Variants in SLC44A5 observed in about 807,000 individuals in gnomAD.
The protein encoded by SLC44A5 is solute carrier family 44 member 5, also known as choline transporter-like protein 5.
In SLC44A5, 57 loss-of-function variants were observed where a neutral mutation model predicts 101.8. That is an observed-to-expected ratio of 0.56 (90% CI 0.45 to 0.70). SLC44A5 has a LOEUF of 0.70. Ranked by LOEUF, SLC44A5 falls within the 30% of genes least tolerant of loss-of-function variation. The pLI is 0.00. For missense variants in SLC44A5, 737 were observed against 853.1 expected, an observed-to-expected ratio of 0.86 and a Z score of 1.70; for synonymous variants, 281 against 290.9, an observed-to-expected ratio of 0.97 and a Z score of 0.35.
chr1:75,712,713 A>AAAAAAAAAAAAAAAAAAAAAAAAAAC, the SLC44A5 span, among the ~76,000 whole-genome samples: 1 of 110,642 alleles, frequency 9.0e-6, no homozygotes, highest in Non-Finnish European at 1.8e-5. Context: ...AAAAAAAAAA[A>AAAAAAAAAAAAAAAAAAAAAAAAAAC]ATGGAAAAGA....
intron 2 of SLC44A5, among the ~76,000 whole-genome samples, chr1:75,402,876 G>A (rs1489286944): frequency 6.6e-6 from 1 of 152,150 alleles, no homozygotes; most frequent in Non-Finnish European, 1.5e-5. Context: ...GGGTGCTGAA[G>A]CCAGGGAGCC....
Position 75,234,092 on chromosome 1 carries a change from C to G in SLC44A5, c.747G>C (p.Leu249=), listed in dbSNP as rs1251651729. The change falls in exon 12 of 24, where the codon CTG becomes CTC. Residue 249 remains leucine, a synonymous_variant. Transcript: ENST00000370859. The stretch of plus-strand genomic sequence containing the variant: ...TCCAACTAAGGACCATGGCAATCGT[C>G]AGGCCACTAGAAAAAACCCACAACA... ...ARTWYWILIG[L]TIAMVLSWIF... is the part of the protein sequence containing the mutation. 1.9e-6 allele frequency: 3 copies of G among 1,612,176 alleles called. No individual in the cohort carries two copies. Among genetic ancestry groups the G allele is most frequent in the Non-Finnish European group, 2.5e-6 (3 of 1,178,642 alleles).
At chr1:75,238,709 C>T in intron 9 of SLC44A5, 73 bp from the exon 10 acceptor site, 1 of 1,043,842 alleles carries the variant, frequency 9.6e-7, no homozygotes, top group Non-Finnish European at 1.3e-6. Flanking sequence ...CTTTCTTAAG[C>T]TTTCTGTTAT....
Position 75,298,636 on chromosome 1 carries a change from C to A in SLC44A5, c.175+1976G>T, listed in dbSNP as rs141993099. Among the ~76,000 whole-genome samples, 3 of 152,048 alleles carry A rather than the reference C, an allele frequency of 2.0e-5. No homozygotes were observed. In the East Asian group the frequency reaches 5.8e-4, roughly 29 times the overall value. On this transcript the variant is annotated intron_variant, in intron 5 of 23. Coordinates refer to ENST00000370859, the MANE Select transcript of SLC44A5 (RefSeq NM_001130058.2). Reference sequence around the variant, plus strand: ...TGGCTTCGAGATACAGAGGAGAGACCTATTTGATGAAGGAATAAGGCCTCC... The same window carrying A: ...TGGCTTCGAGATACAGAGGAGAGACATATTTGATGAAGGAATAAGGCCTCC...
In SLC44A5 at chr1:75,202,254, C is replaced by T. The variant is rs1052969376; in HGVS notation, c.*1473G>A. 4 of 152,160 alleles carry T rather than the reference C, an allele frequency of 2.6e-5. No homozygotes were observed. Among genetic ancestry groups the T allele is most frequent in the African/African-American group, 4.8e-5 (2 of 41,444 alleles). The allele number at this position is 152,160 out of a possible 1,614,324, so 9.4% of individuals were successfully genotyped here. ...ACAATACGTTTCTAACATTTCTGCA[C>T]AGCAGAAGCACACTGATTATAGAGC... is the stretch of plus-strand genomic sequence containing the variant. On this transcript the variant is annotated 3_prime_UTR_variant, in exon 24 of 24. Coordinates refer to ENST00000370859, the MANE Select transcript of SLC44A5 (RefSeq NM_001130058.2).
chr1:75,609,193 C>T (rs886381633), intron 1 of SLC44A5, among the ~76,000 whole-genome samples: 8 of 151,690 alleles, frequency 5.3e-5, no homozygotes, highest in Non-Finnish European at 1.2e-4. Context: ...CCTATTTATA[C>T]CTCAAAGGAC....
At chr1:75,453,978 G>A (rs1374452610) in intron 2 of SLC44A5, among the ~76,000 whole-genome samples, 1 of 152,028 alleles carries the variant, frequency 6.6e-6, no homozygotes, top group East Asian at 1.9e-4. Context: ...ATACAAAGAG[G>A]AGCTGCTACC....
chr1:75,345,033 A>G (rs904358828), intron 3 of SLC44A5, among the ~76,000 whole-genome samples: 1 of 152,176 alleles, frequency 6.6e-6, no homozygotes, highest in Admixed American at 6.6e-5. Flanking sequence ...AAGAATGTCA[A>G]TGTAATTTTG....
At chr1:75,372,455 C>A (rs1557713357) in intron 3 of SLC44A5, among the ~76,000 whole-genome samples, 1 of 152,080 alleles carries the variant, frequency 6.6e-6, no homozygotes, top group Non-Finnish European at 1.5e-5. Flanking sequence ...ACATAAAATA[C>A]AACTTTACCC....
At chr1:75,569,531 G>A (rs934969491) in intron 1 of SLC44A5, among the ~76,000 whole-genome samples, 7 of 152,132 alleles carry the variant, frequency 4.6e-5, no homozygotes, top group African/African-American at 7.2e-5. Context: ...TGTGAGCCAC[G>A]AAGGCTGCCC....
intron 2 of SLC44A5, among the ~76,000 whole-genome samples, chr1:75,522,420 CT>C: frequency 6.6e-6 from 1 of 151,214 alleles, no homozygotes; most frequent in South Asian, 2.1e-4. Flanking sequence ...ATCCAGGTCA[CT>C]TTTTTCTTTC....
At chr1:75,473,148 C>G (rs545538559) in intron 2 of SLC44A5, among the ~76,000 whole-genome samples, 2 of 152,292 alleles carry the variant, frequency 1.3e-5, no homozygotes, top group East Asian at 1.9e-4. Flanking sequence ...TAGCATTCAG[C>G]TAAGTGTCCT....
At chr1:75,348,389 G>GAGGCT (rs1658407753) in intron 3 of SLC44A5, among the ~76,000 whole-genome samples, 1 of 152,088 alleles carries the variant, frequency 6.6e-6, no homozygotes, top group Non-Finnish European at 1.5e-5. Flanking sequence ...ACATAACCTA[G>GAGGCT]AGGCTGTTCA....
At chr1:75,682,477 C>G in the SLC44A5 span, among the ~76,000 whole-genome samples, 1 of 151,778 alleles carries the variant, frequency 6.6e-6, no homozygotes, top group Non-Finnish European at 1.5e-5. Context: ...TGATCTTTGA[C>G]AAACCTGAGA....
At position 75,541,418 on chromosome 1, in the gene SLC44A5, T is replaced by C. The variant is rs141131537; in HGVS notation, c.13+17A>G. 6.3e-4 allele frequency: 1,006 copies of C among 1,587,224 alleles called. No individual in the cohort carries two copies. The highest frequency in any genetic ancestry group is 8.1e-4 in the Non-Finnish European group (935 of 1,156,734). ...AAAGTCCAGATCAAGAGGAACTTAA[T>C]TCAAGTAGGTGATTACCTGTGTCAT... is the stretch of plus-strand genomic sequence containing the variant. On this transcript the variant is annotated intron_variant, in intron 2 of 23. Coordinates refer to ENST00000370859, the MANE Select transcript of SLC44A5 (RefSeq NM_001130058.2).
chr1:75,291,783 G>A (rs1026411291), intron 5 of SLC44A5, among the ~76,000 whole-genome samples: 7 of 152,014 alleles, frequency 4.6e-5, no homozygotes, highest in African/African-American at 7.3e-5. Context: ...AGGCCAAGGC[G>A]GGTGGATCAC....
the SLC44A5 span, among the ~76,000 whole-genome samples, chr1:75,692,851 A>T: frequency 6.6e-6 from 1 of 152,192 alleles, no homozygotes; most frequent in Non-Finnish European, 1.5e-5. Flanking sequence ...ATTTGAAATG[A>T]GACCAGTCAG....
chr1:75,357,636 C>T (rs945683787), intron 3 of SLC44A5, among the ~76,000 whole-genome samples: 4 of 152,000 alleles, frequency 2.6e-5, no homozygotes, highest in Non-Finnish European at 5.9e-5. Flanking sequence ...AGGTGGTCTG[C>T]AAGCTGGACT....
At chr1:75,318,346 C>T (rs886927321) in intron 4 of SLC44A5, among the ~76,000 whole-genome samples, 5 of 148,976 alleles carry the variant, frequency 3.4e-5, no homozygotes, top group Admixed American at 1.4e-4. Flanking sequence ...CATTGCACTC[C>T]AGCCTGGGCA....
Sources: allele counts gnomAD v4.1 joint callset (sites outside exome capture counted in the v4.1 genomes callset), GRCh38; gene constraint gnomAD v4.1.1; transcripts MANE v1.5; gene names NCBI Gene and HGNC (gene_info 2026-07-23, HGNC 2026-07-21).